DUXA: variants seen among roughly 807,000 people sequenced by gnomAD.
The protein encoded by DUXA is double homeobox protein A.
Under a neutral mutation model 27.5 loss-of-function variants are expected in DUXA, and 25 were observed. The ratio of observed to expected loss-of-function variants is 0.91; its 90% confidence interval spans 0.66 to 1.27. The LOEUF is 1.27. Ranked by LOEUF, DUXA falls within the 50% of genes most tolerant of loss-of-function variation. DUXA has a pLI of 0.00. For synonymous variants in DUXA, 90 were observed against 80.5 expected, an observed-to-expected ratio of 1.12 and a Z score of -0.63; for missense variants, 247 against 242.9, an observed-to-expected ratio of 1.02 and a Z score of -0.11.
chr19:57,164,779 G>T (rs527384039), intron 1 of DUXA, among the ~76,000 whole-genome samples: 2 of 152,228 alleles, frequency 1.3e-5, no homozygotes, highest in African/African-American at 4.8e-5. Context: ...CACAGGGTTT[G>T]ATGCATATGT....
At chr19:57,167,313 A>T in intron 1 of DUXA, 106 bp downstream of exon 1, 1 of 1,418,964 alleles carries the variant, frequency 7.0e-7, no homozygotes, top group Non-Finnish European at 9.9e-7. Flanking sequence ...AGATACAGTT[A>T]AAGTTTAAAA....
chr19:57,158,423 T>C lies in DUXA; in HGVS notation c.343A>G (p.Thr115Ala). 1.2e-6 allele frequency: 2 copies of C among 1,613,798 alleles called. No individual in the cohort carries two copies. Among genetic ancestry groups the C allele is most frequent in the Non-Finnish European group, 8.5e-7 (1 of 1,179,966 alleles). Residue 115 changes from threonine to alanine, a missense_variant, in exon 4 of 6, where the codon ACT becomes GCT. Transcript: ENST00000554048. The stretch of plus-strand genomic sequence containing the variant: ...TTTTTCATAAATGCCTTGATGAGAG[T>C]GTGTAACTGAGAGGCGCTGTAGGTG... ...RTTYSASQLH[T>A]LIKAFMKNPY...
At chr19:57,161,631 A>C (rs1274281621) in intron 1 of DUXA, among the ~76,000 whole-genome samples, 1 of 151,888 alleles carries the variant, frequency 6.6e-6, no homozygotes, top group Non-Finnish European at 1.5e-5. Flanking sequence ...TCAAAAAAAA[A>C]ACAAAATGAA....
intron 1 of DUXA, among the ~76,000 whole-genome samples, chr19:57,167,190 G>A (rs556710433): frequency 6.6e-6 from 1 of 152,030 alleles, no homozygotes; most frequent in Admixed American, 6.6e-5. Flanking sequence ...GCTCAAATAT[G>A]TCTTATTTAG....
intron 1 of DUXA, among the ~76,000 whole-genome samples, chr19:57,166,341 C>T (rs1216298778): frequency 6.6e-6 from 1 of 152,144 alleles, no homozygotes; most frequent in Non-Finnish European, 1.5e-5. Flanking sequence ...GATGGAGTCT[C>T]GCTCTCTGGC....
Position 57,163,512 on chromosome 19 carries a change from C to T in DUXA, c.26-2715G>A, listed in dbSNP as rs150276004. ...AGGCTAGAGTTCAGTGGCACAATAT[C>T]GGCTCACTGCAGCCTCAGTCTCCTG... On this transcript the variant is annotated intron_variant, in intron 1 of 5. Transcript: ENST00000554048. Among the ~76,000 whole-genome samples, 791 of 151,720 alleles carry T rather than the reference C, an allele frequency of 5.2e-3. 4 individuals are homozygous for T. The highest frequency in any genetic ancestry group is 0.018 in the African/African-American group (745 of 41,340).
At chr19:57,165,590 T>C (rs570838738) in intron 1 of DUXA, among the ~76,000 whole-genome samples, 1 of 151,076 alleles carries the variant, frequency 6.6e-6, no homozygotes, top group Non-Finnish European at 1.5e-5. Flanking sequence ...CAGATCACGA[T>C]GTCAGGAGAT....
chr19:57,155,686 T>A (rs1484507929), intron 4 of DUXA, among the ~76,000 whole-genome samples: 2 of 152,128 alleles, frequency 1.3e-5, no homozygotes, highest in Non-Finnish European at 2.9e-5. Context: ...CTTTTTTTTT[T>A]AATACGGAGT....
chr19:57,164,306 T>C (rs991683507), intron 1 of DUXA, among the ~76,000 whole-genome samples: 1 of 152,250 alleles, frequency 6.6e-6, no homozygotes, highest in African/African-American at 2.4e-5. Flanking sequence ...CCGGGCACAG[T>C]GGCTCACGCC....
intron 1 of DUXA, among the ~76,000 whole-genome samples, chr19:57,162,516 T>G (rs1334940660): frequency 6.6e-6 from 1 of 152,214 alleles, no homozygotes; most frequent in East Asian, 1.9e-4. Flanking sequence ...CTTTTTTGTT[T>G]GATCTTTGAA....
chr19:57,165,666 G>A (rs1020256146), intron 1 of DUXA, among the ~76,000 whole-genome samples: 4 of 151,698 alleles, frequency 2.6e-5, no homozygotes, highest in South Asian at 2.1e-4. Context: ...TTAGCCAGGC[G>A]TGGTGGCGGG....
chr19:57,158,047 A>T (rs2087001031), intron 4 of DUXA, among the ~76,000 whole-genome samples: 1 of 152,130 alleles, frequency 6.6e-6, no homozygotes, highest in African/African-American at 2.4e-5. Flanking sequence ...AATGTTAACT[A>T]ATATTCACTC....
At chr19:57,158,563 A>G in intron 3 of DUXA, 90 bp from the exon 4 acceptor site, 1 of 1,477,336 alleles carries the variant, frequency 6.8e-7, no homozygotes, top group East Asian at 2.3e-5. Flanking sequence ...CAAACTTGTC[A>G]CTCTCCCTCC....
chr19:57,165,794 G>T (rs1433502324), intron 1 of DUXA, among the ~76,000 whole-genome samples: 1 of 115,514 alleles, frequency 8.7e-6, no homozygotes. Context: ...GAGAGAGTGA[G>T]ACTCCTCTCA....
At chr19:57,164,101 A>G (rs927084538) in intron 1 of DUXA, among the ~76,000 whole-genome samples, 1 of 152,196 alleles carries the variant, frequency 6.6e-6, no homozygotes, top group African/African-American at 2.4e-5. Flanking sequence ...AGGCAAATAG[A>G]CACATCGAAA....
At chr19:57,163,633 G>A (rs537715893) in intron 1 of DUXA, among the ~76,000 whole-genome samples, 15 of 151,854 alleles carry the variant, frequency 9.9e-5, no homozygotes, top group Non-Finnish European at 1.8e-4. Flanking sequence ...TAGTGGAGAC[G>A]TGGTTTTGCC....
Position 57,154,355 on chromosome 19 carries a change from C to A in DUXA, c.*57G>T. ...CAGAAGGATAGACTCCCAGGAAGACCGTGAGACAGATTTGGGGTCCAGTTG... is the reference window on the plus strand; with the variant it reads ...CAGAAGGATAGACTCCCAGGAAGACAGTGAGACAGATTTGGGGTCCAGTTG... On this transcript the variant is annotated 3_prime_UTR_variant, in exon 6 of 6. Coordinates refer to ENST00000554048, the MANE Select transcript of DUXA (RefSeq NM_001012729.2). 1 of 1,505,558 alleles carries A rather than the reference C, an allele frequency of 6.6e-7. No individual in the cohort carries two copies. The highest frequency in any genetic ancestry group is 9.2e-7 in the Non-Finnish European group (1 of 1,084,020). The allele number at this position is 1,505,558 out of a possible 1,614,324, so 93.3% of individuals were successfully genotyped here. A position where few individuals can be genotyped will look rare whatever the true frequency, so the allele number is the denominator to read the frequency against.
intron 1 of DUXA, among the ~76,000 whole-genome samples, chr19:57,164,005 C>G (rs186998949): frequency 5.3e-4 from 81 of 152,120 alleles, no homozygotes; most frequent in Non-Finnish European, 9.1e-4. Context: ...TCCTTGAGTC[C>G]AGGAGTTCAA....
At chr19:57,164,749 C>T (rs1460781098) in intron 1 of DUXA, among the ~76,000 whole-genome samples, 1 of 152,134 alleles carries the variant, frequency 6.6e-6, no homozygotes, top group African/African-American at 2.4e-5. Context: ...TCCAGACAAG[C>T]ATCCTATTCC....
Sources: gnomAD v4.1 joint callset for allele counts (sites outside exome capture counted in the v4.1 genomes callset) on GRCh38, gnomAD v4.1.1 for gene constraint, MANE v1.5 for transcripts, NCBI Gene and HGNC (gene_info 2026-07-23, HGNC 2026-07-21) for gene names.